Variants in FNBP4 observed in about 807,000 individuals in gnomAD.
The protein encoded by FNBP4 is formin binding protein 4, also known as formin-binding protein 4.
A neutral mutation model predicts 119.3 loss-of-function variants in FNBP4; 34 were observed. The ratio of observed to expected loss-of-function variants is 0.28; its 90% CI spans 0.22 to 0.38. The LOEUF (loss-of-function observed/expected upper bound fraction) is 0.38. FNBP4 is among the 10% of genes least tolerant of loss of function. The pLI is 1.00. For synonymous variants in FNBP4, 462 were observed against 430.6 expected (o/e 1.07, Z -0.90); for missense variants, 1,112 against 1,228.9 (o/e 0.90, Z 1.42).
chr11:47,731,756 C>G, intron 11 of FNBP4, 195 bp from the exon 12 acceptor site: 1 of 1,347,310 alleles, frequency 7.4e-7, no homozygotes, highest in Non-Finnish European at 9.5e-7. Context: ...ATTTGCACTG[C>G]CAGCAACTCT....
intron 3 of FNBP4, 48 bp downstream of exon 3, chr11:47,754,479 TC>T (rs1242372293): frequency 1.3e-6 from 2 of 1,595,316 alleles, no homozygotes; most frequent in Non-Finnish European, 1.7e-6. Context: ...AAGATCCAGG[TC>T]CCAAAGTAGC....
rs2097568213 is a variant in FNBP4, at chr11:47,732,186, C to T, written c.1820+351G>A. ...GCCACGAAGTTTTCCTTAACTTCAC[C>T]GAGGTTAATCAGGAGTAGTTGCTTC... On this transcript the variant is annotated intron_variant, in intron 11 of 16. Transcript: ENST00000263773. This position sits in a 1 kb window ranked among gnomAD's most constrained non-coding sequence, Gnocchi z 4.2. 3 of 1,035,210 alleles carry T rather than the reference C, an allele frequency of 2.9e-6. No homozygotes were observed. Among genetic ancestry groups the T allele is most frequent in the Admixed American group, 1.1e-4 (2 of 18,338 alleles). 64.1% of individuals were successfully genotyped at this position (1,035,210 alleles called of 1,614,324 possible).
intron 3 of FNBP4, among the ~76,000 whole-genome samples, chr11:47,753,380 G>A (rs915515265): frequency 7.9e-5 from 12 of 152,160 alleles, no homozygotes; most frequent in Non-Finnish European, 2.9e-5. Context: ...GGCGGCCAAG[G>A]CGGGCGGATC....
intron 1 of FNBP4, among the ~76,000 whole-genome samples, chr11:47,766,396 C>A (rs577375351): frequency 3.5e-4 from 54 of 152,226 alleles, no homozygotes; most frequent in Non-Finnish European, 7.3e-5. Flanking sequence ...ATTCTCCAGG[C>A]TATGATAGGA....
intron 8 of FNBP4, among the ~76,000 whole-genome samples, chr11:47,740,903 G>A (rs972951777): frequency 2.7e-4 from 39 of 144,694 alleles, no homozygotes; most frequent in Admixed American, 2.1e-4. Flanking sequence ...TTTTTTTTGT[G>A]TGTGTGATGG....
At chr11:47,765,232 G>T in intron 2 of FNBP4, 38 bp downstream of exon 2, 1 of 1,381,480 alleles carries the variant, frequency 7.2e-7, no homozygotes, top group Non-Finnish European at 1.0e-6. Flanking sequence ...AATGAAAGAC[G>T]TGGGAGAAAA....
intron 4 of FNBP4, among the ~76,000 whole-genome samples, chr11:47,751,908 A>G (rs1473291417): frequency 2.6e-5 from 4 of 152,060 alleles, no homozygotes; most frequent in African/African-American, 9.7e-5. Context: ...AGATTGCACC[A>G]TTGCACTCCA....
intron 9 of FNBP4, among the ~76,000 whole-genome samples, 180 bp from the exon 10 acceptor site, chr11:47,734,309 A>G (rs72911753): frequency 3.3e-3 from 509 of 152,364 alleles, no homozygotes; most frequent in Non-Finnish European, 5.2e-3. Context: ...AACATAATAC[A>G]CATAACAAAG....
rs2097558996 is a variant in FNBP4, at chr11:47,724,546, A to G, written c.2241T>C (p.Ser747=). ...CTGTTCCTGGGGCAGGGGGCTCCTC[A>G]CTTCCCTCATCCTCCATCTCTACCT... ...IQEVEMEDEG[S]EEPPAPGTEE... is the part of the protein sequence containing the mutation. Residue 747 remains serine, a synonymous_variant, in exon 13 of 17, where the codon AGT becomes AGC. Transcript: ENST00000263773. 6.2e-7 allele frequency: 1 copy of G among 1,613,968 alleles called. No homozygotes were observed. The highest frequency in any genetic ancestry group is 1.3e-5 in the African/African-American group (1 of 74,882).
At chr11:47,766,958 G>A in intron 1 of FNBP4, 111 bp downstream of exon 1, 1 of 1,389,554 alleles carries the variant, frequency 7.2e-7, no homozygotes, top group Admixed American at 3.6e-5. Flanking sequence ...GCAGCAGGCA[G>A]GCCTCGGAAG....
chr11:47,733,349 T>C (rs1036223468), intron 10 of FNBP4, among the ~76,000 whole-genome samples: 6 of 151,968 alleles, frequency 3.9e-5, no homozygotes, highest in African/African-American at 1.2e-4. Flanking sequence ...TTTTTTTTTT[T>C]AGAGACGGAC....
At chr11:47,722,898 G>A in intron 15 of FNBP4, 78 bp downstream of exon 15, 4 of 1,403,948 alleles carry the variant, frequency 2.8e-6, no homozygotes, top group Non-Finnish European at 2.8e-6. Flanking sequence ...GCCTGAAAAT[G>A]GATAATTTCA....
chr11:47,734,924 G>A (rs570078728), intron 9 of FNBP4, among the ~76,000 whole-genome samples: 1 of 150,410 alleles, frequency 6.6e-6, no homozygotes, highest in Non-Finnish European at 1.5e-5. Flanking sequence ...AGTGAGCCAA[G>A]ATTGTGCCAC....
rs1024558506 is a variant in FNBP4, at chr11:47,741,286, C to T, written c.1456+2667G>A. ...CTGGGCTCAAGCTATCTTCCTCCCT[C>T]AACATCCTGAGTAGCTGGGATTATA... On this transcript the variant is annotated intron_variant, in intron 8 of 16. Coordinates refer to ENST00000263773, the MANE Select transcript of FNBP4 (RefSeq NM_015308.5). Among the ~76,000 whole-genome samples, 2 of 151,664 alleles carry T rather than the reference C, an allele frequency of 1.3e-5. 1 individual carries two copies. Among genetic ancestry groups the T allele is most frequent in the African/African-American group, 4.9e-5 (2 of 40,998 alleles).
At chr11:47,766,186 G>T (rs1369172998) in intron 1 of FNBP4, among the ~76,000 whole-genome samples, 1 of 151,854 alleles carries the variant, frequency 6.6e-6, no homozygotes, top group African/African-American at 2.4e-5. Context: ...TGGTGGCAGG[G>T]TCCTGTAGTC....
intron 8 of FNBP4, among the ~76,000 whole-genome samples, chr11:47,737,065 T>C (rs1022983716): frequency 6.6e-6 from 1 of 152,076 alleles, no homozygotes; most frequent in African/African-American, 2.4e-5. Context: ...TAGCCACGCA[T>C]GGTGGCATGT....
At chr11:47,744,595 A>AT (rs1314128945) in intron 7 of FNBP4, among the ~76,000 whole-genome samples, 2 of 151,892 alleles carry the variant, frequency 1.3e-5, no homozygotes, top group African/African-American at 4.8e-5. Context: ...AATTTTGCCC[A>AT]TTTTTTTGTG....
chr11:47,724,345 G>A, intron 13 of FNBP4, 123 bp downstream of exon 13: 2 of 1,554,112 alleles, frequency 1.3e-6, no homozygotes, highest in Non-Finnish European at 1.7e-6. Context: ...ACCTCCCAAA[G>A]GTCTAGGATA....
intron 1 of FNBP4, among the ~76,000 whole-genome samples, chr11:47,766,131 A>G (rs2097647368): frequency 6.6e-6 from 1 of 151,936 alleles, no homozygotes; most frequent in African/African-American, 2.4e-5. Context: ...CAGCCCGGGA[A>G]ACATGAACTC....
Sources: allele counts gnomAD v4.1 joint callset (sites outside exome capture counted in the v4.1 genomes callset), GRCh38; gene constraint gnomAD v4.1.1; non-coding constraint Gnocchi (gnomAD v3.1); transcripts MANE v1.5; gene names NCBI Gene and HGNC (gene_info 2026-07-23, HGNC 2026-07-21).